Variants in PRR16 observed in about 807,000 individuals in gnomAD.
The protein encoded by PRR16 is protein Largen.
A neutral mutation model predicts 18.2 loss-of-function variants in PRR16; 6 were observed. The observed-to-expected ratio is 0.33, with a 90% CI of 0.18 to 0.65. The LOEUF (loss-of-function observed/expected upper bound fraction) is 0.65. PRR16 is among the 30% of genes least tolerant of loss of function. The pLI is 0.74. For missense variants in PRR16, 412 were observed against 376.6 expected (o/e 1.09, Z -0.78); for synonymous variants, 151 against 147.8 (o/e 1.02, Z -0.16).
intron 1 of PRR16, among the ~76,000 whole-genome samples, chr5:120,510,362 T>A (rs932397242): frequency 6.6e-6 from 1 of 152,198 alleles, no homozygotes; most frequent in African/African-American, 2.4e-5. Flanking sequence ...CAGTTCATAA[T>A]GGAAATATGA....
At chr5:120,578,964 C>G (rs1281200929) in intron 1 of PRR16, among the ~76,000 whole-genome samples, 1 of 152,098 alleles carries the variant, frequency 6.6e-6, no homozygotes, top group African/African-American at 2.4e-5. Flanking sequence ...GAGATGGTAT[C>G]TCATTGTGGT....
chr5:120,558,046 A>G lies in PRR16; in HGVS notation c.159+93401A>G, dbSNP rs575873727. Among the ~76,000 whole-genome samples the G allele has an allele frequency of 3.3e-5, 5 of 151,980 alleles. No homozygotes were observed. The South Asian group carries it at 1.0e-3, about 31-fold the overall frequency. On this transcript the variant is annotated intron_variant, in intron 1 of 1. Transcript: ENST00000407149. ...TAGTAGGTGTGTATATTTATGGGGT[A>G]CATTAGATGTTTTGATACAGTCATG...
intron 1 of PRR16, among the ~76,000 whole-genome samples, chr5:120,467,476 T>C (rs2112793767): frequency 6.6e-6 from 1 of 152,262 alleles, no homozygotes; most frequent in African/African-American, 2.4e-5. Context: ...TTTGTGTAAT[T>C]TCTGCACCAA....
At chr5:120,732,437 C>T in the PRR16 span, among the ~76,000 whole-genome samples, 2 of 152,128 alleles carry the variant, frequency 1.3e-5, no homozygotes, top group African/African-American at 2.4e-5. Context: ...ATTGATTATA[C>T]TATTTTTTCT....
chr5:120,681,951 C>T (rs1194939487), intron 1 of PRR16, among the ~76,000 whole-genome samples: 1 of 152,154 alleles, frequency 6.6e-6, no homozygotes, highest in Non-Finnish European at 1.5e-5. Flanking sequence ...TTGTTTGAAA[C>T]TGTGTACTTT....
chr5:120,552,699 C>T (rs188383120), intron 1 of PRR16, among the ~76,000 whole-genome samples: 101 of 152,008 alleles, frequency 6.6e-4, no homozygotes, highest in African/African-American at 2.4e-3. Flanking sequence ...AAATGAACCA[C>T]ATGCATTTTT....
At chr5:120,556,948 GAA>G (rs75615628) in intron 1 of PRR16, among the ~76,000 whole-genome samples, 16 of 140,266 alleles carry the variant, frequency 1.1e-4, no homozygotes, top group East Asian at 6.2e-4. Flanking sequence ...ACTGCTACAT[GAA>G]AAAAAAAAAA....
the PRR16 span, among the ~76,000 whole-genome samples, chr5:120,744,858 G>A: frequency 1.3e-5 from 2 of 152,164 alleles, no homozygotes; most frequent in African/African-American, 2.4e-5. Flanking sequence ...GGGGTAAAGT[G>A]GGAATCAACT....
At chr5:120,584,131 A>G (rs1753362854) in intron 1 of PRR16, among the ~76,000 whole-genome samples, 1 of 152,182 alleles carries the variant, frequency 6.6e-6, no homozygotes, top group African/African-American at 2.4e-5. Context: ...TGGAGAAATG[A>G]TGTCCCAGGG....
chr5:120,744,537 A>G, the PRR16 span, among the ~76,000 whole-genome samples: 32 of 152,284 alleles, frequency 2.1e-4, 1 homozygote, highest in South Asian at 6.2e-4. Context: ...TCTATTATCA[A>G]TAGAGGACAG....
At chr5:120,767,107 G>GGATAACAACATTTTGAT in the PRR16 span, among the ~76,000 whole-genome samples, 1 of 151,816 alleles carries the variant, frequency 6.6e-6, no homozygotes, top group Non-Finnish European at 1.5e-5. Flanking sequence ...GGTCACAACT[G>GGATAACAACATTTTGAT]GATAACAACA....
chr5:120,637,337 A>C (rs980560515), intron 1 of PRR16, among the ~76,000 whole-genome samples: 2 of 150,690 alleles, frequency 1.3e-5, no homozygotes, highest in Non-Finnish European at 3.0e-5. Flanking sequence ...AAAAAAAAAA[A>C]AAAAAACTTG....
chr5:120,493,083 G>A (rs1054889342), intron 1 of PRR16, among the ~76,000 whole-genome samples: 2 of 152,128 alleles, frequency 1.3e-5, no homozygotes, highest in African/African-American at 2.4e-5. Flanking sequence ...GAGCAGCAGA[G>A]TTGCTGGGTT....
chr5:120,760,156 G>A, the PRR16 span, among the ~76,000 whole-genome samples: 67 of 152,214 alleles, frequency 4.4e-4, no homozygotes, highest in Non-Finnish European at 1.8e-4. Flanking sequence ...CAAATGAATG[G>A]TGGATGATTG....
At position 120,484,810 on chromosome 5, in the gene PRR16, T is replaced by A. The variant is rs959680658; in HGVS notation, c.159+20165T>A. On this transcript the variant is annotated intron_variant, in intron 1 of 1. Transcript: ENST00000407149. ...TGTGTCATATATATTTTTTTCTTAT[T>A]TTCTTTCCTAGTAAGATGATGGAAT... Among the ~76,000 whole-genome samples the A allele has an allele frequency of 4.0e-5, 6 of 151,142 alleles. No individual in the cohort carries two copies. In the East Asian group the frequency reaches 1.2e-3, roughly 29 times the overall value.
intron 1 of PRR16, among the ~76,000 whole-genome samples, chr5:120,621,488 T>A (rs1374926761): frequency 3.3e-5 from 5 of 152,132 alleles, no homozygotes; most frequent in Non-Finnish European, 5.9e-5. Flanking sequence ...AAGCTGTGTT[T>A]TGGGTCTCAA....
At chr5:120,523,151 C>G (rs1375533639) in intron 1 of PRR16, among the ~76,000 whole-genome samples, 1 of 152,116 alleles carries the variant, frequency 6.6e-6, no homozygotes, top group Non-Finnish European at 1.5e-5. Context: ...TTGTTGCTAT[C>G]TTATAGAGGT....
the PRR16 span, among the ~76,000 whole-genome samples, chr5:120,723,033 G>A: frequency 6.6e-6 from 1 of 151,616 alleles, no homozygotes; most frequent in Non-Finnish European, 1.5e-5. Context: ...TTTTAATGCA[G>A]TGATATCAAA....
At chr5:120,552,661 A>G (rs1302946575) in intron 1 of PRR16, among the ~76,000 whole-genome samples, 2 of 151,856 alleles carry the variant, frequency 1.3e-5, no homozygotes, top group East Asian at 1.9e-4. Context: ...ACTAAACCAT[A>G]TTTTTTGGTT....
Sources: allele counts gnomAD v4.1 joint callset (sites outside exome capture counted in the v4.1 genomes callset), GRCh38; gene constraint gnomAD v4.1.1; transcripts MANE v1.5; gene names NCBI Gene and HGNC (gene_info 2026-07-23, HGNC 2026-07-21).